The following AHNAK variants were observed in gnomAD, a reference collection of about 807,000 sequenced individuals.
AHNAK encodes AHNAK nucleoprotein, also known as neuroblast differentiation-associated protein AHNAK.
In AHNAK, 23 loss-of-function variants were observed where a neutral mutation model predicts 37.8. The ratio of observed to expected loss-of-function variants is 0.61; its 90% CI spans 0.44 to 0.86. AHNAK has a LOEUF of 0.86. AHNAK is among the 40% of genes least tolerant of loss of function. AHNAK has a pLI of 0.00. For synonymous variants in AHNAK, 2,481 were observed against 2,636.3 expected (o/e 0.94, Z 1.80); for missense variants, 7,411 against 7,319.4 (o/e 1.01, Z -0.46).
At chr11:62,472,307 C>G (rs375307778) in intron 5 of AHNAK, among the ~76,000 whole-genome samples, 2 of 152,230 alleles carry the variant, frequency 1.3e-5, no homozygotes, top group East Asian at 3.9e-4. Flanking sequence ...CAGACCCTCC[C>G]CACTGCTGGC....
intron 5 of AHNAK, among the ~76,000 whole-genome samples, chr11:62,437,137 T>C (rs918219226): frequency 1.3e-5 from 2 of 152,114 alleles, no homozygotes; most frequent in African/African-American, 4.8e-5. Context: ...ATGATTTGAC[T>C]CATTATAGAT....
chr11:62,519,571 A>G lies in AHNAK; in HGVS notation c.14846T>C (p.Val4949Ala). The change falls in exon 5 of 5, where the codon GTT (valine) becomes GCT (alanine). Residue 4949 changes from valine (V) to alanine (A), a missense_variant. Transcript: ENST00000378024. ...GGEVDLKGPK[V>A]EAPSLDVHMD... ...GTGTACATCTAAGCTTGGAGCTTCA[A>G]CTTTGGGTCCCTTGAGGTCCACTTC... 6.2e-7 allele frequency: 1 copy of G among 1,611,692 alleles called. No homozygotes were observed. The highest frequency in any genetic ancestry group is 8.5e-7 in the Non-Finnish European group (1 of 1,178,914).
chr11:62,528,454 T>C lies in AHNAK; in HGVS notation c.5963A>G (p.Lys1988Arg), dbSNP rs144003566. Residue 1988 changes from lysine to arginine, a missense_variant, in exon 5 of 5, where the codon AAG (lysine) becomes AGG (arginine). Physicochemically the swap from Lys to Arg is conservative, Grantham distance 26 (BLOSUM62 2). Transcript: ENST00000378024. ...TAAGTCCACATCAGGCATGGAGATC[T>C]TGGGGGTCTTGAAGTGCATCTCAGG... ...KMPEMHFKTP[K>R]ISMPDVDLHL... The C allele has an allele frequency of 8.1e-6, 13 of 1,613,780 alleles. No homozygotes were observed. The highest frequency in any genetic ancestry group is 1.0e-5 in the Non-Finnish European group (12 of 1,179,972).
At chr11:62,449,448 A>G (rs759482995) in intron 5 of AHNAK, among the ~76,000 whole-genome samples, 3 of 152,210 alleles carry the variant, frequency 2.0e-5, no homozygotes, top group Non-Finnish European at 4.4e-5. Context: ...GGGCAACACC[A>G]GGCGGGATCA....
At position 62,530,382 on chromosome 11, in the gene AHNAK, C is replaced by A. The variant is rs746908061; in HGVS notation, c.4035G>T (p.Leu1345Phe). 2.5e-5 allele frequency: 41 copies of A among 1,614,062 alleles called. No homozygotes were observed. The South Asian group carries it at 3.0e-4, about 12-fold the overall frequency. ...CTTTCATTTCACCTTCTACCTCAGGCAAGGACACATCCACATCTCCCTTCA... is the reference window on the plus strand; with the variant it reads ...CTTTCATTTCACCTTCTACCTCAGGAAAGGACACATCCACATCTCCCTTCA... ...PKLKGDVDVS[L>F]PEVEGEMKVP... Residue 1345 changes from leucine (L) to phenylalanine (F), a missense_variant, in exon 5 of 5, where the codon TTG becomes TTT. Coordinates refer to ENST00000378024, the MANE Select transcript of AHNAK (RefSeq NM_001620.3).
chr11:62,494,364 G>A (rs530872485), intron 4 of AHNAK, among the ~76,000 whole-genome samples: 3 of 152,118 alleles, frequency 2.0e-5, no homozygotes, highest in Admixed American at 2.0e-4. Flanking sequence ...AATAACCACA[G>A]AAGGAAGGAA....
intron 5 of AHNAK, among the ~76,000 whole-genome samples, chr11:62,439,616 G>A (rs1938257953): frequency 6.7e-6 from 1 of 149,898 alleles, no homozygotes; most frequent in African/African-American, 2.5e-5. Context: ...TATTTGTAGT[G>A]CATGTGTGCA....
chr11:62,498,520 A>T (rs1939655195), intron 4 of AHNAK, among the ~76,000 whole-genome samples: 6 of 151,622 alleles, frequency 4.0e-5, no homozygotes, highest in Admixed American at 3.3e-4. Context: ...GTGCTTTAGA[A>T]GGCCAAGGTG....
chr11:62,522,018 T>G lies in AHNAK; in HGVS notation c.12399A>C (p.Glu4133Asp). ...HLKAPKISMPEVDLNLKGPKM... is the reference protein window; with the variant it reads ...HLKAPKISMPDVDLNLKGPKM... ...TTGGACCTTTCAGATTCAGGTCAAC[T>G]TCAGGCATAGAGATCTTCGGTGCCT... The change falls in exon 5 of 5, where the codon GAA (glutamate) becomes GAC (aspartate). Residue 4133 changes from glutamate (E) to aspartate (D), a missense_variant. Physicochemically the swap from Glu to Asp is conservative, Grantham distance 45. Transcript: ENST00000378024. 1 of 1,613,946 alleles carries G rather than the reference T, an allele frequency of 6.2e-7. No homozygotes were observed. The highest frequency in any genetic ancestry group is 1.1e-5 in the South Asian group (1 of 91,064).
intron 3 of AHNAK, 30 bp from the exon 4 acceptor site, chr11:62,535,220 G>A (rs2134249588): frequency 1.3e-6 from 2 of 1,590,460 alleles, no homozygotes; most frequent in Middle Eastern, 1.7e-4. Flanking sequence ...AAGCAGGTAA[G>A]GCCCAAAGAG....
Position 62,509,413 on chromosome 11 carries a change from G to A in AHNAK, c.343-17582C>T, listed in dbSNP as rs552009539. ...AAAATACAAAAAATTAGCTGGGTGTGGTGGCAGGTGCCTGTAATCCCAGCT... is the reference window on the plus strand; with the variant it reads ...AAAATACAAAAAATTAGCTGGGTGTAGTGGCAGGTGCCTGTAATCCCAGCT... On this transcript the variant is annotated intron_variant, in intron 4 of 5. Transcript: ENST00000257247. 5.9e-5 allele frequency among the ~76,000 whole-genome samples: 9 copies of A among 152,190 alleles called. No homozygotes were observed. In the East Asian group the frequency reaches 1.5e-3, roughly 26 times the overall value.
chr11:62,525,618 T>G lies in AHNAK; in HGVS notation c.8799A>C (p.Glu2933Asp), dbSNP rs373047586. The change falls in exon 5 of 5, where the codon GAA becomes GAC. Residue 2933 changes from glutamate (E) to aspartate (D), a missense_variant. By Grantham distance (45) the Glu-to-Asp change is conservative (BLOSUM62 2). Coordinates refer to ENST00000378024, the MANE Select transcript of AHNAK (RefSeq NM_001620.3). ...VDVSGPKVDV[E>D]GPDVNIEGPE... ...GTCCTTCAATGTTAACATCAGGGCC[T>G]TCAACGTCCACTTTGGGGCCTGAGA... The G allele has an allele frequency of 2.9e-5, 46 of 1,611,228 alleles. No individual in the cohort carries two copies. The highest frequency in any genetic ancestry group is 3.8e-5 in the Non-Finnish European group (45 of 1,179,162).
chr11:62,526,607 C>G lies in AHNAK; in HGVS notation c.7810G>C (p.Val2604Leu), dbSNP rs781575085. The change falls in exon 5 of 5, where the codon GTG (valine) becomes CTG (leucine). Residue 2604 changes from valine (V) to leucine (L), a missense_variant. Coordinates refer to ENST00000378024, the MANE Select transcript of AHNAK (RefSeq NM_001620.3). ...KGDVDVSLPK[V>L]EGDLKGPEVD... ...TCGGGGCCCTTGAGGTCACCTTCCA[C>G]TTTGGGCAGAGAAACATCCACATCG... The G allele has an allele frequency of 6.2e-7, 1 of 1,613,830 alleles. No homozygotes were observed. Among genetic ancestry groups the G allele is most frequent in the South Asian group, 1.1e-5 (1 of 91,060 alleles).
chr11:62,491,910 G>T (rs918694595), intron 4 of AHNAK: 93 of 1,328,574 alleles, frequency 7.0e-5, no homozygotes, highest in Non-Finnish European at 9.2e-5. Flanking sequence ...CCTACTATGG[G>T]TGTATAAAAT....
chr11:62,475,139 C>T (rs950899455), intron 5 of AHNAK, among the ~76,000 whole-genome samples: 2 of 152,152 alleles, frequency 1.3e-5, no homozygotes, highest in Admixed American at 6.6e-5. Flanking sequence ...CCTGTCTCTA[C>T]TAAAAATACA....
Position 62,521,543 on chromosome 11 carries a change from C to T in AHNAK, c.12874G>A (p.Asp4292Asn). The T allele has an allele frequency of 6.2e-7, 1 of 1,613,098 alleles. No homozygotes were observed. The change falls in exon 5 of 5, where the codon GAC (aspartate) becomes AAC (asparagine). Residue 4292 changes from aspartate to asparagine, a missense_variant. Coordinates refer to ENST00000378024, the MANE Select transcript of AHNAK (RefSeq NM_001620.3). ...VEGDLKGPEV[D>N]IKGPKVDIDA... ...ATGTCCACTTTGGGGCCCTTGATGT[C>T]AACTTCTGGGCCCTTGAGGTCACCT...
chr11:62,544,444 G>C (rs921520691), intron 1 of AHNAK, among the ~76,000 whole-genome samples: 39 of 151,812 alleles, frequency 2.6e-4, no homozygotes, highest in African/African-American at 9.5e-4. Context: ...CAGTGTCCCT[G>C]TGCATAACCT....
chr11:62,437,080 C>G (rs80278931), intron 5 of AHNAK, among the ~76,000 whole-genome samples: 1 of 152,098 alleles, frequency 6.6e-6, no homozygotes. Flanking sequence ...CACCCCAAAA[C>G]GTTCCCTCAT....
chr11:62,545,937 C>T (rs1318870809), intron 1 of AHNAK: 9 of 152,268 alleles, frequency 5.9e-5, no homozygotes, highest in Non-Finnish European at 1.3e-4. Context: ...GCGCACCCCC[C>T]TCCTCGCCCA....
Sources: allele counts gnomAD v4.1 joint callset (sites outside exome capture counted in the v4.1 genomes callset), GRCh38; gene constraint gnomAD v4.1.1; transcripts MANE v1.5; gene names NCBI Gene and HGNC (gene_info 2026-07-23, HGNC 2026-07-21).